WDR59: variants seen among roughly 807,000 people sequenced by gnomAD.
The protein encoded by WDR59 is GATOR2 complex protein WDR59.
A neutral mutation model predicts 131.2 loss-of-function variants in WDR59; 100 were observed. The observed-to-expected ratio is 0.76, with a 90% CI of 0.65 to 0.90. The LOEUF (loss-of-function observed/expected upper bound fraction) is 0.90, where lower values mean the gene tolerates loss of function less well. Ranked by LOEUF, WDR59 falls within the 40% of genes least tolerant of loss-of-function variation. The pLI is 0.00. For synonymous variants in WDR59, 601 were observed against 466.2 expected (o/e 1.29, Z -3.72); for missense variants, 1,203 against 1,262.2 (o/e 0.95, Z 0.71).
At chr16:74,933,810 T>G (rs1029037382) in intron 8 of WDR59, among the ~76,000 whole-genome samples, 1 of 152,188 alleles carries the variant, frequency 6.6e-6, no homozygotes, top group Admixed American at 6.5e-5. Flanking sequence ...GTCACGAACT[T>G]CTGACCTCAG....
In WDR59 at chr16:74,922,008, G is replaced by A. The variant is rs757493850; in HGVS notation, c.825C>T (p.Val275=). Residue 275 remains valine, a synonymous_variant, in exon 10 of 26, where the codon GTC becomes GTT. Coordinates refer to ENST00000262144, the MANE Select transcript of WDR59 (RefSeq NM_030581.4). ...LWNVFDLNTP[V]HTFVGHDDVV... is the part of the protein sequence containing the mutation. ...CATCATCATGCCCCACGAAGGTGTG[G>A]ACTGGGGTGTTCAAGTCAAAGACAT... The A allele has an allele frequency of 1.2e-6, 2 of 1,614,202 alleles. No homozygotes were observed. The highest frequency in any genetic ancestry group is 8.5e-7 in the Non-Finnish European group (1 of 1,180,034).
chr16:74,951,555 G>A lies in WDR59; in HGVS notation c.241-12C>T. ...ACTCGTTGGTTACTCTGAAAAGAAA[G>A]GAAAGAAGGCCACAGGCAAGTATGT... On this transcript the variant is annotated splice_polypyrimidine_tract_variant and intron_variant, in intron 3 of 25. Coordinates refer to ENST00000262144, the MANE Select transcript of WDR59 (RefSeq NM_030581.4). 1 of 1,578,152 alleles carries A rather than the reference G, an allele frequency of 6.3e-7. No homozygotes were observed. The highest frequency in any genetic ancestry group is 1.2e-5 in the South Asian group (1 of 85,948).
intron 19 of WDR59, 100 bp downstream of exon 19, chr16:74,893,579 A>C (rs1965145991): frequency 7.3e-7 from 1 of 1,363,158 alleles, no homozygotes; most frequent in Non-Finnish European, 9.9e-7. Flanking sequence ...CTTTTCCTAA[A>C]ACTGCTTTTG....
intron 2 of WDR59, among the ~76,000 whole-genome samples, chr16:74,964,980 C>G (rs1021027285): frequency 6.6e-6 from 1 of 152,028 alleles, no homozygotes; most frequent in African/African-American, 2.4e-5. Flanking sequence ...AGGAGAATCA[C>G]TTGAACACAG....
chr16:74,891,798 T>A (rs1280802536), intron 20 of WDR59, among the ~76,000 whole-genome samples: 1 of 152,046 alleles, frequency 6.6e-6, no homozygotes, highest in Non-Finnish European at 1.5e-5. Context: ...GTGGCACGCA[T>A]CTATAATCCC....
In WDR59 at chr16:74,922,044, A is replaced by G; in HGVS notation, c.789T>C (p.Leu263=). 1 of 1,614,208 alleles carries G rather than the reference A, an allele frequency of 6.2e-7. No individual in the cohort carries two copies. The highest frequency in any genetic ancestry group is 8.5e-7 in the Non-Finnish European group (1 of 1,180,042). The part of the protein sequence containing the change: ...MVPQLRRENS[L]LLWNVFDLNT... ...TCAAGTCAAAGACATTCCACAGGAG[A>G]AGGCTGTTTTCCCTCCGCAGCTGGG... Residue 263 remains leucine, a synonymous_variant, in exon 10 of 26, where the codon CTT becomes CTC. Transcript: ENST00000262144.
At chr16:74,937,188 G>C (rs773652485) in intron 8 of WDR59, among the ~76,000 whole-genome samples, 2 of 152,202 alleles carry the variant, frequency 1.3e-5, no homozygotes, top group African/African-American at 2.4e-5. Flanking sequence ...CCATGTCACA[G>C]AGAGGAAAGA....
chr16:74,889,519 G>C, intron 21 of WDR59, 184 bp downstream of exon 21: 1 of 576,842 alleles, frequency 1.7e-6, no homozygotes, highest in Non-Finnish European at 3.1e-6. Context: ...GTAATGTATG[G>C]TTCTGTCTGC....
At chr16:74,966,770 T>C (rs1341186440) in intron 1 of WDR59, among the ~76,000 whole-genome samples, 4 of 152,312 alleles carry the variant, frequency 2.6e-5, no homozygotes, top group Non-Finnish European at 4.4e-5. Flanking sequence ...CTCTGAAATT[T>C]CTAGTGCATT....
chr16:74,906,966 C>T (rs1285997584), intron 17 of WDR59, among the ~76,000 whole-genome samples: 2 of 152,212 alleles, frequency 1.3e-5, no homozygotes, highest in Non-Finnish European at 2.9e-5. Flanking sequence ...AAAGGACTGT[C>T]AGTGGGAAAA....
At chr16:74,984,654 C>CACTTCCGTCACTTGGTTTGAGTCACCCA in intron 1 of WDR59, 1 of 441,464 alleles carries the variant, frequency 2.3e-6, no homozygotes, top group Non-Finnish European at 4.2e-6. Context: ...CGCCCTCGCT[C>CACTTCCGTCACTTGGTTTGAGTCACCCA]CGTACCCTGA....
rs754910144 is a variant in WDR59, at chr16:74,885,763, T to C, written c.2579A>G (p.Asp860Gly). The C allele has an allele frequency of 6.2e-6, 10 of 1,614,140 alleles. No individual in the cohort carries two copies. Among genetic ancestry groups the C allele is most frequent in the Non-Finnish European group, 7.6e-6 (9 of 1,180,016 alleles). ...TTCCCCATAGCATTTCTTAAAGTCA[T>C]CAAATTGCTGGGTATTGGCGGGGTC... ...LLDPANTQQF[D>G]DFKKCYGEIL... The change falls in exon 25 of 26, where the codon GAT becomes GGT. Residue 860 changes from aspartate (D) to glycine (G), a missense_variant. Physicochemically the swap from Asp to Gly is moderately conservative, Grantham distance 94. Transcript: ENST00000262144.
chr16:74,892,874 G>C (rs1428837533), intron 19 of WDR59, among the ~76,000 whole-genome samples: 1 of 152,172 alleles, frequency 6.6e-6, no homozygotes, highest in Non-Finnish European at 1.5e-5. Flanking sequence ...AAGCCGTGAG[G>C]GTTGAATAAA....
At chr16:74,955,209 AT>A (rs2033225242) in intron 3 of WDR59, among the ~76,000 whole-genome samples, 1 of 152,204 alleles carries the variant, frequency 6.6e-6, no homozygotes, top group South Asian at 2.1e-4. Flanking sequence ...CCTAAACCCA[AT>A]CAGAGGTGAT....
Position 74,936,578 on chromosome 16 carries a change from C to A in WDR59, c.651+1572G>T, listed in dbSNP as rs188996276. Among the ~76,000 whole-genome samples, 7 of 152,156 alleles carry A rather than the reference C, an allele frequency of 4.6e-5. No individual in the cohort carries two copies. The East Asian group carries it at 1.4e-3, about 29-fold the overall frequency. The stretch of plus-strand genomic sequence containing the variant: ...TGGTAGCTCATGCCTGTAATCCCAG[C>A]ACTTTGGGAGGCCGAGATGGGCGGA... On this transcript the variant is annotated intron_variant, in intron 8 of 25. Coordinates refer to ENST00000262144, the MANE Select transcript of WDR59 (RefSeq NM_030581.4).
intron 25 of WDR59, among the ~76,000 whole-genome samples, chr16:74,881,615 CTGTAA>C (rs1964485705): frequency 6.6e-6 from 1 of 152,134 alleles, no homozygotes; most frequent in Admixed American, 6.5e-5. Context: ...GGGATCATGA[CTGTAA>C]TCCCAGCACT....
At chr16:74,881,070 C>T (rs1195068263) in intron 25 of WDR59, among the ~76,000 whole-genome samples, 1 of 152,162 alleles carries the variant, frequency 6.6e-6, no homozygotes, top group Non-Finnish European at 1.5e-5. Flanking sequence ...ACCATTAAGA[C>T]CAAGCGCATC....
intron 18 of WDR59, among the ~76,000 whole-genome samples, chr16:74,895,410 G>A (rs941665879): frequency 1.3e-5 from 2 of 152,076 alleles, no homozygotes; most frequent in African/African-American, 4.8e-5. Context: ...TTACAGGCAT[G>A]CACCATCATA....
At chr16:74,977,995 G>A (rs2034255572) in intron 1 of WDR59, among the ~76,000 whole-genome samples, 1 of 152,054 alleles carries the variant, frequency 6.6e-6, no homozygotes, top group African/African-American at 2.4e-5. Context: ...GCTGTGTGAG[G>A]CCAGGAGTTC....
Sources: allele counts gnomAD v4.1 joint callset (sites outside exome capture counted in the v4.1 genomes callset), GRCh38; gene constraint gnomAD v4.1.1; transcripts MANE v1.5; gene names NCBI Gene and HGNC (gene_info 2026-07-23, HGNC 2026-07-21).